DCHS2: variants seen among roughly 807,000 people sequenced by gnomAD.
DCHS2 encodes dachsous cadherin-related 2, also known as protocadherin-23.
A neutral mutation model predicts 182.4 loss-of-function variants in DCHS2; 142 were observed. That is an observed-to-expected ratio of 0.78 (90% confidence interval 0.68 to 0.89). DCHS2 has a LOEUF of 0.89. Among genes scored for constraint, DCHS2 ranks in the 40% least tolerant of loss-of-function variants. The probability of loss-of-function intolerance (pLI) is 0.00; values close to 1 mark genes in which losing one functional copy is unlikely to be tolerated. For missense variants in DCHS2, 4,319 were observed against 4,198.6 expected (o/e 1.03, Z -0.79); for synonymous variants, 1,740 against 1,663.3 (o/e 1.05, Z -1.12).
intron 10 of DCHS2, among the ~76,000 whole-genome samples, chr4:154,314,432 A>G (rs1429898445): frequency 1.3e-5 from 2 of 152,140 alleles, no homozygotes; most frequent in Non-Finnish European, 2.9e-5. Context: ...CATGCTTCGG[A>G]CTCAACTCTT....
Position 154,320,476 on chromosome 4 carries a change from T to C in DCHS2, c.4923A>G (p.Ile1641Met), listed in dbSNP as rs775429058. The C allele has an allele frequency of 1.2e-6, 2 of 1,614,162 alleles. No homozygotes were observed. Among genetic ancestry groups the C allele is most frequent in the Admixed American group, 3.3e-5 (2 of 60,006 alleles). ...DVTVGSLVHH[I>M]TAHDPDEGRN... ...TTCCTTCGTCTGGATCGTGAGCAGTTATGTGGTGGACCAAGGAGCCCACTG... is the reference window on the plus strand; with the variant it reads ...TTCCTTCGTCTGGATCGTGAGCAGTCATGTGGTGGACCAAGGAGCCCACTG... Residue 1641 changes from isoleucine (I) to methionine (M), a missense_variant, in exon 9 of 20, where the codon ATA becomes ATG. Physicochemically the swap from Ile to Met is conservative, Grantham distance 10 (BLOSUM62 1). Transcript: ENST00000357232.
In DCHS2 at chr4:154,450,215, A is replaced by G. The variant is rs1386554752; in HGVS notation, c.2052+39089T>C. Among the ~76,000 whole-genome samples, 3 of 152,326 alleles carry G rather than the reference A, an allele frequency of 2.0e-5. No individual in the cohort carries two copies. The East Asian group carries it at 5.8e-4, about 29-fold the overall frequency. On this transcript the variant is annotated intron_variant, in intron 1 of 19. Coordinates refer to ENST00000357232, the MANE Select transcript of DCHS2 (RefSeq NM_001358235.2). ...AGATGAAGGAAAACACTTCTTGGCT[A>G]GGAGGGCTGCAGTCTCCCAAAGTTA... is the stretch of plus-strand genomic sequence containing the variant.
chr4:154,251,641 C>T (rs974124675), intron 16 of DCHS2, among the ~76,000 whole-genome samples: 48 of 152,312 alleles, frequency 3.2e-4, no homozygotes, highest in African/African-American at 1.1e-3. Context: ...GCCTCAGCCT[C>T]CCGAGTAGCT....
At chr4:154,486,421 A>G (rs1728588510) in intron 1 of DCHS2, 14 of 1,304,304 alleles carry the variant, frequency 1.1e-5, no homozygotes, top group African/African-American at 1.5e-5. Flanking sequence ...ATCAGATGAC[A>G]TGGTATTATC....
chr4:154,252,205 T>C lies in DCHS2; in HGVS notation c.6941+3314A>G, dbSNP rs537331973. Among the ~76,000 whole-genome samples, 13 of 152,310 alleles carry C rather than the reference T, an allele frequency of 8.5e-5. No individual in the cohort carries two copies. In the South Asian group the frequency reaches 1.0e-3, roughly 12 times the overall value. On this transcript the variant is annotated intron_variant, in intron 16 of 19. Coordinates refer to ENST00000357232, the MANE Select transcript of DCHS2 (RefSeq NM_001358235.2). Reference sequence around the variant, plus strand: ...TTTTTGTGGGTACATAGTAGGTGTATACATTTATGGGTTACATGAGATATT... The same window carrying C: ...TTTTTGTGGGTACATAGTAGGTGTACACATTTATGGGTTACATGAGATATT...
chr4:154,432,655 A>T (rs1733605804), intron 1 of DCHS2, among the ~76,000 whole-genome samples: 1 of 152,150 alleles, frequency 6.6e-6, no homozygotes, highest in Admixed American at 6.5e-5. Flanking sequence ...TGAAAAAAAA[A>T]AAGATGAGAA....
At chr4:154,422,894 C>G (rs1733169842) in intron 1 of DCHS2, among the ~76,000 whole-genome samples, 1 of 152,220 alleles carries the variant, frequency 6.6e-6, no homozygotes, top group African/African-American at 2.4e-5. Context: ...AAGGGACACA[C>G]AGTCAAAGAA....
At chr4:154,489,057 A>G (rs777185817) in intron 1 of DCHS2, among the ~76,000 whole-genome samples, 16 of 152,172 alleles carry the variant, frequency 1.1e-4, no homozygotes, top group Non-Finnish European at 2.4e-4. Flanking sequence ...TCAGGCTTCA[A>G]TAAGATAAAT....
chr4:154,323,661 ACT>A (rs1005873478), intron 7 of DCHS2, among the ~76,000 whole-genome samples: 1 of 151,950 alleles, frequency 6.6e-6, no homozygotes, highest in African/African-American at 2.4e-5. Flanking sequence ...AACAAGAAAA[ACT>A]CTACGCCTGA....
At chr4:154,300,444 C>T (rs547019395) in intron 12 of DCHS2, among the ~76,000 whole-genome samples, 2 of 137,982 alleles carry the variant, frequency 1.4e-5, no homozygotes, top group South Asian at 4.6e-4. Flanking sequence ...GAGACCAAGG[C>T]GGGAGGATTG....
At chr4:154,467,876 T>A (rs1735302497) in intron 1 of DCHS2, among the ~76,000 whole-genome samples, 1 of 152,192 alleles carries the variant, frequency 6.6e-6, no homozygotes, top group South Asian at 2.1e-4. Flanking sequence ...ATCCCTGTAG[T>A]CCGATGAAAT....
chr4:154,348,526 T>C (rs1399634477), intron 3 of DCHS2, among the ~76,000 whole-genome samples: 1 of 151,950 alleles, frequency 6.6e-6, no homozygotes, highest in Non-Finnish European at 1.5e-5. Flanking sequence ...AAAGGGTTTT[T>C]GTAGATATAA....
Position 154,471,437 on chromosome 4 carries a change from C to G in DCHS2, c.2052+17867G>C, listed in dbSNP as rs890252249. Among the ~76,000 whole-genome samples the G allele has an allele frequency of 3.1e-4, 47 of 152,160 alleles. 3 individuals are homozygous for G. On this transcript the variant is annotated intron_variant, in intron 1 of 19. Coordinates refer to ENST00000357232, the MANE Select transcript of DCHS2 (RefSeq NM_001358235.2). ...GAAAGGCTTCCCACTTGTGATCAAA[C>G]CATGCTTCCCTTTATTTTCAAGGTC...
intron 14 of DCHS2, among the ~76,000 whole-genome samples, chr4:154,266,504 A>AAATTACAAAG (rs898678650): frequency 9.2e-5 from 14 of 152,184 alleles, no homozygotes; most frequent in Non-Finnish European, 2.1e-4. Context: ...AAATTACAAA[A>AAATTACAAAG]AATTACCTGG....
chr4:154,420,054 A>T (rs908539205), intron 1 of DCHS2, among the ~76,000 whole-genome samples: 2 of 152,126 alleles, frequency 1.3e-5, no homozygotes, highest in Non-Finnish European at 2.9e-5. Context: ...AAGTTAGGAG[A>T]TTGTTAGTTT....
In DCHS2 at chr4:154,331,764, G is replaced by A. The variant is rs757632448; in HGVS notation, c.3730+714C>T. The A allele has an allele frequency of 1.9e-5, 29 of 1,566,314 alleles. No individual in the cohort carries two copies. In the South Asian group the frequency reaches 3.2e-4, roughly 17 times the overall value. On this transcript the variant is annotated intron_variant, in intron 5 of 19. Transcript: ENST00000357232. ...CATCTTACCAGCTCCATGACTTTGG[G>A]TGTACTACTCGAGCTATCTGAGTTT...
At chr4:154,485,784 G>T (rs1728559979) in intron 1 of DCHS2, among the ~76,000 whole-genome samples, 1 of 152,224 alleles carries the variant, frequency 6.6e-6, no homozygotes, top group Non-Finnish European at 1.5e-5. Flanking sequence ...ATGTAATTCA[G>T]GTCTCAATGC....
chr4:154,448,814 A>G (rs1734410041), intron 1 of DCHS2, among the ~76,000 whole-genome samples: 1 of 152,074 alleles, frequency 6.6e-6, no homozygotes, highest in African/African-American at 2.4e-5. Context: ...CACCCTTCAT[A>G]CTTCAGCTCC....
At chr4:154,305,325 T>C (rs1221763755) in intron 10 of DCHS2, 94 bp from the exon 11 acceptor site, 3 of 1,385,712 alleles carry the variant, frequency 2.2e-6, no homozygotes, top group Admixed American at 5.6e-5. Flanking sequence ...TGTTAGGCCA[T>C]AGATGAAAAT....
Sources: allele counts gnomAD v4.1 joint callset (sites outside exome capture counted in the v4.1 genomes callset), GRCh38; gene constraint gnomAD v4.1.1; transcripts MANE v1.5; gene names NCBI Gene and HGNC (gene_info 2026-07-23, HGNC 2026-07-21).